Variants in RIN3 observed in about 807,000 individuals in gnomAD.
RIN3 encodes the protein Ras and Rab interactor 3, also known as RAB5 interacting protein 3.
Under a neutral mutation model 76.3 loss-of-function variants are expected in RIN3, and 54 were observed. That is an observed-to-expected ratio of 0.71 (90% CI 0.57 to 0.89). The LOEUF (loss-of-function observed/expected upper bound fraction) is 0.89. Ranked by LOEUF, RIN3 falls within the 40% of genes least tolerant of loss-of-function variation. RIN3 has a pLI of 0.00. For synonymous variants in RIN3, 576 were observed against 564.0 expected (o/e 1.02, Z -0.30); for missense variants, 1,256 against 1,322.1 (o/e 0.95, Z 0.78).
At chr14:92,666,316 G>A (rs977587465) in intron 7 of RIN3, among the ~76,000 whole-genome samples, 1 of 152,234 alleles carries the variant, frequency 6.6e-6, no homozygotes, top group Non-Finnish European at 1.5e-5. Context: ...TAAACATGGA[G>A]ACACAAGATC....
chr14:92,544,778 C>T (rs1288156489), intron 1 of RIN3, among the ~76,000 whole-genome samples: 1 of 152,094 alleles, frequency 6.6e-6, no homozygotes, highest in African/African-American at 2.4e-5. Context: ...CCTATGCACC[C>T]ATAATTCAGC....
Position 92,541,509 on chromosome 14 carries a change from A to G in RIN3, c.45-14242A>G, listed in dbSNP as rs562439262. ...GAGGCTCAGAACCACTCCATATTTT[A>G]TGGTCAATTGATTTTTGACAAGGCT... On this transcript the variant is annotated intron_variant, in intron 1 of 9. Coordinates refer to ENST00000216487, the MANE Select transcript of RIN3 (RefSeq NM_024832.5). Among the ~76,000 whole-genome samples the G allele has an allele frequency of 5.9e-5, 9 of 152,356 alleles. No homozygotes were observed. In the South Asian group the frequency reaches 1.9e-3, roughly 32 times the overall value.
chr14:92,680,549 C>T (rs956554963), intron 8 of RIN3, among the ~76,000 whole-genome samples: 39 of 152,176 alleles, frequency 2.6e-4, no homozygotes, highest in African/African-American at 8.7e-4. Context: ...GCTCCACCCT[C>T]ATGACCTAAT....
At position 92,608,923 on chromosome 14, in the gene RIN3, G is replaced by T. The variant is rs114651743; in HGVS notation, c.368-6484G>T. ...TATTTATTTTAATTTGGGGGTACAA[G>T]TGGGTTTTGTTTACATGGATAAGCT... On this transcript the variant is annotated intron_variant, in intron 3 of 9. Transcript: ENST00000216487. 4.4e-3 allele frequency among the ~76,000 whole-genome samples: 670 copies of T among 152,196 alleles called. 4 individuals carry two copies. The highest frequency in any genetic ancestry group is 0.015 in the African/African-American group (636 of 41,508).
At chr14:92,669,672 C>G (rs1888221577) in intron 7 of RIN3, among the ~76,000 whole-genome samples, 1 of 152,158 alleles carries the variant, frequency 6.6e-6, no homozygotes, top group Non-Finnish European at 1.5e-5. Context: ...TGATAAGATG[C>G]TCAGTCCTTT....
intron 1 of RIN3, among the ~76,000 whole-genome samples, chr14:92,517,823 T>A (rs1232704084): frequency 1.3e-5 from 2 of 152,136 alleles, no homozygotes; most frequent in Non-Finnish European, 2.9e-5. Flanking sequence ...GCCCTTCTGG[T>A]GGTTTGGTTG....
chr14:92,620,722 C>T (rs1886145439), intron 4 of RIN3, among the ~76,000 whole-genome samples: 1 of 152,178 alleles, frequency 6.6e-6, no homozygotes, highest in Non-Finnish European at 1.5e-5. Context: ...CCTAAGTTTT[C>T]CTACTCAATT....
At chr14:92,597,077 A>G (rs1315136213) in intron 3 of RIN3, among the ~76,000 whole-genome samples, 1 of 152,218 alleles carries the variant, frequency 6.6e-6, no homozygotes, top group African/African-American at 2.4e-5. Flanking sequence ...GGTAATACCC[A>G]TCTCACAGAA....
At chr14:92,571,230 A>G (rs1898055072) in intron 2 of RIN3, among the ~76,000 whole-genome samples, 1 of 152,174 alleles carries the variant, frequency 6.6e-6, no homozygotes, top group South Asian at 2.1e-4. Context: ...CTCTGAACCT[A>G]TTCTGGTTCA....
chr14:92,665,664 A>G (rs1451168515), intron 7 of RIN3, among the ~76,000 whole-genome samples: 2 of 151,984 alleles, frequency 1.3e-5, no homozygotes, highest in Non-Finnish European at 2.9e-5. Context: ...TACAAGCGTG[A>G]GCCACCGCGC....
chr14:92,525,471 GT>G (rs1024281903), intron 1 of RIN3, among the ~76,000 whole-genome samples: 5 of 152,136 alleles, frequency 3.3e-5, no homozygotes, highest in Non-Finnish European at 7.4e-5. Context: ...GCAGGGCTCG[GT>G]AAGTGTTTGC....
intron 4 of RIN3, among the ~76,000 whole-genome samples, chr14:92,629,854 G>A (rs1886504509): frequency 6.6e-6 from 1 of 152,250 alleles, no homozygotes; most frequent in Non-Finnish European, 1.5e-5. Flanking sequence ...CATCTCCAAA[G>A]TCCACACTGT....
At chr14:92,561,878 G>T (rs1390228904) in intron 2 of RIN3, among the ~76,000 whole-genome samples, 6 of 152,118 alleles carry the variant, frequency 3.9e-5, no homozygotes, top group Non-Finnish European at 7.4e-5. Flanking sequence ...TAGAGACGAG[G>T]TCTCCCTATG....
chr14:92,595,950 C>T (rs2140082575), intron 3 of RIN3, among the ~76,000 whole-genome samples: 1 of 152,158 alleles, frequency 6.6e-6, no homozygotes, highest in East Asian at 1.9e-4. Context: ...AGACATGAGA[C>T]CTTCTGGAAA....
chr14:92,521,834 C>T (rs868082157), intron 1 of RIN3, among the ~76,000 whole-genome samples: 2 of 152,112 alleles, frequency 1.3e-5, no homozygotes, highest in African/African-American at 2.4e-5. Context: ...AAAAAGCTGC[C>T]GAACTTCTGT....
intron 4 of RIN3, among the ~76,000 whole-genome samples, chr14:92,617,625 G>A (rs1321894970): frequency 6.6e-6 from 1 of 152,194 alleles, no homozygotes; most frequent in Non-Finnish European, 1.5e-5. Context: ...GAGGATAATA[G>A]TAAGAAATTG....
intron 2 of RIN3, 101 bp downstream of exon 2, chr14:92,556,056 C>A: frequency 2.2e-6 from 2 of 903,876 alleles, no homozygotes; most frequent in Non-Finnish European, 3.4e-6. Context: ...AGCTACCATG[C>A]AGATGACTGC....
chr14:92,529,247 T>C (rs906018007), intron 1 of RIN3, among the ~76,000 whole-genome samples: 1 of 151,928 alleles, frequency 6.6e-6, no homozygotes, highest in Non-Finnish European at 1.5e-5. Context: ...ATCAACCTTT[T>C]TTTTTCTTTT....
intron 2 of RIN3, among the ~76,000 whole-genome samples, chr14:92,575,331 CAGA>C (rs1395082552): frequency 6.6e-6 from 1 of 152,102 alleles, no homozygotes; most frequent in African/African-American, 2.4e-5. Context: ...GCTCCCGATC[CAGA>C]CCCCAAGAGA....
Sources: gnomAD v4.1 joint callset for allele counts (sites outside exome capture counted in the v4.1 genomes callset) on GRCh38, gnomAD v4.1.1 for gene constraint, MANE v1.5 for transcripts, NCBI Gene and HGNC (gene_info 2026-07-23, HGNC 2026-07-21) for gene names.